The following TUSC3 variants were observed in gnomAD, a reference collection of about 807,000 sequenced individuals.
The protein encoded by TUSC3 is dolichyl-diphosphooligosaccharide--protein glycosyltransferase subunit TUSC3.
Under a neutral mutation model 44.8 loss-of-function variants are expected in TUSC3, and 45 were observed. The observed-to-expected ratio is 1.00, with a 90% CI of 0.79 to 1.29. The LOEUF (loss-of-function observed/expected upper bound fraction) is 1.29. TUSC3 is among the 50% of genes most tolerant of loss of function. TUSC3 has a pLI of 0.00. For missense variants in TUSC3, 519 were observed against 437.9 expected, an observed-to-expected ratio of 1.19 and a Z score of -1.65; for synonymous variants, 212 against 152.9, an observed-to-expected ratio of 1.39 and a Z score of -2.85.
At chr8:15,470,036 G>A (rs1008820696) in intron 1 of TUSC3, among the ~76,000 whole-genome samples, 10 of 151,958 alleles carry the variant, frequency 6.6e-5, no homozygotes, top group Non-Finnish European at 1.0e-4. Flanking sequence ...AAGGAAGATC[G>A]CTTGAGCCCA....
intron 6 of TUSC3, among the ~76,000 whole-genome samples, chr8:15,711,158 T>C (rs1318860538): frequency 6.6e-6 from 1 of 151,616 alleles, no homozygotes; most frequent in South Asian, 2.1e-4. Flanking sequence ...ACTACCAGCA[T>C]TTTCCTTGGC....
At chr8:15,808,054 A>G in the TUSC3 span, among the ~76,000 whole-genome samples, 1 of 152,224 alleles carries the variant, frequency 6.6e-6, no homozygotes, top group African/African-American at 2.4e-5. Flanking sequence ...TTATGCTAGT[A>G]TAATTTTAAA....
chr8:15,509,511 G>A (rs1410575636), intron 2 of TUSC3, among the ~76,000 whole-genome samples: 1 of 152,094 alleles, frequency 6.6e-6, no homozygotes, highest in Admixed American at 6.6e-5. Context: ...GGGAGGCTGA[G>A]GCAGGAGAGT....
intron 1 of TUSC3, among the ~76,000 whole-genome samples, chr8:15,480,998 A>G (rs1032043411): frequency 2.0e-5 from 3 of 152,158 alleles, no homozygotes; most frequent in Non-Finnish European, 2.9e-5. Context: ...CTGTAATTCC[A>G]GCACTTTGGG....
chr8:15,666,298 G>A (rs2129181249), intron 5 of TUSC3, among the ~76,000 whole-genome samples: 1 of 151,536 alleles, frequency 6.6e-6, no homozygotes, highest in Admixed American at 6.6e-5. Flanking sequence ...GAAAGATAAA[G>A]CATCATTAAA....
chr8:15,822,808 T>G, the TUSC3 span, among the ~76,000 whole-genome samples: 3 of 152,124 alleles, frequency 2.0e-5, no homozygotes. Context: ...AAATAAGAAC[T>G]GAGAACTGAA....
chr8:15,779,232 G>T, the TUSC3 span, among the ~76,000 whole-genome samples: 3 of 151,810 alleles, frequency 2.0e-5, no homozygotes, highest in East Asian at 5.8e-4. Flanking sequence ...GGGAAACCAG[G>T]ACCTTGGATA....
Position 15,765,480 on chromosome 8 carries a change from A to G in TUSC3, c.*1324A>G, listed in dbSNP as rs1812302646. The G allele has an allele frequency of 6.6e-6, 1 of 152,016 alleles. No individual in the cohort carries two copies. The highest frequency in any genetic ancestry group is 6.6e-5 in the Admixed American group (1 of 15,218). The allele number at this position is 152,016 out of a possible 1,614,324, so 9.4% of individuals were successfully genotyped here. A position where few individuals can be genotyped will look rare whatever the true frequency, so the allele number is the denominator to read the frequency against. On this transcript the variant is annotated 3_prime_UTR_variant, in exon 11 of 11. Coordinates refer to ENST00000503731, the MANE Select transcript of TUSC3 (RefSeq NM_006765.4). Reference sequence around the variant, plus strand: ...TCAAACAAGAAACGGGTGTACAACCATTGAGTTTACTTACTTAAATCTGTG... The same window carrying G: ...TCAAACAAGAAACGGGTGTACAACCGTTGAGTTTACTTACTTAAATCTGTG...
chr8:15,591,486 G>C (rs1216363316), intron 1 of TUSC3, among the ~76,000 whole-genome samples: 1 of 152,186 alleles, frequency 6.6e-6, no homozygotes, highest in Non-Finnish European at 1.5e-5. Context: ...GAAATATTAT[G>C]AGCAAGATGT....
chr8:15,639,387 G>T (rs532823005), intron 2 of TUSC3, among the ~76,000 whole-genome samples: 1 of 152,298 alleles, frequency 6.6e-6, no homozygotes, highest in Admixed American at 6.5e-5. Context: ...AAATGAATGA[G>T]AATTTTTTCA....
intron 6 of TUSC3, among the ~76,000 whole-genome samples, chr8:15,707,002 A>T (rs560777092): frequency 6.6e-6 from 1 of 152,106 alleles, no homozygotes; most frequent in Non-Finnish European, 1.5e-5. Context: ...ATTTGTTGCT[A>T]TAAAAGTATA....
the TUSC3 span, among the ~76,000 whole-genome samples, chr8:15,793,827 A>G: frequency 6.6e-6 from 1 of 152,228 alleles, no homozygotes; most frequent in African/African-American, 2.4e-5. Flanking sequence ...GCATGCAAGC[A>G]TAACTAGTCT....
the TUSC3 span, among the ~76,000 whole-genome samples, chr8:15,832,292 C>G: frequency 1.3e-5 from 2 of 152,158 alleles, no homozygotes; most frequent in African/African-American, 4.8e-5. Flanking sequence ...GAAGGAAACA[C>G]TGAATATGGA....
intron 1 of TUSC3, among the ~76,000 whole-genome samples, chr8:15,448,217 C>T (rs953367226): frequency 6.6e-6 from 1 of 151,074 alleles, no homozygotes; most frequent in Non-Finnish European, 1.5e-5. Context: ...CTCCTGGGTT[C>T]AAGCAATTCT....
the TUSC3 span, among the ~76,000 whole-genome samples, chr8:15,775,850 C>G: frequency 6.7e-6 from 1 of 149,662 alleles, no homozygotes; most frequent in Non-Finnish European, 1.5e-5. Flanking sequence ...ATTCTTTTTC[C>G]TGTTGTGCCT....
the TUSC3 span, among the ~76,000 whole-genome samples, chr8:15,845,374 C>T: frequency 6.6e-6 from 1 of 152,088 alleles, no homozygotes; most frequent in African/African-American, 2.4e-5. Flanking sequence ...TCAGAAAATC[C>T]TGAACTCCCT....
At chr8:15,834,546 A>T in the TUSC3 span, among the ~76,000 whole-genome samples, 1 of 152,122 alleles carries the variant, frequency 6.6e-6, no homozygotes, top group East Asian at 1.9e-4. Flanking sequence ...TTCCTTTTTA[A>T]CAAGTTTTCA....
chr8:15,606,769 G>A (rs191656065), intron 1 of TUSC3, among the ~76,000 whole-genome samples: 19 of 151,920 alleles, frequency 1.3e-4, no homozygotes, highest in Non-Finnish European at 2.6e-4. Flanking sequence ...TCCTAGAAAT[G>A]GCATTGATGA....
chr8:15,792,601 TTTTTC>T, the TUSC3 span, among the ~76,000 whole-genome samples: 1 of 152,062 alleles, frequency 6.6e-6, no homozygotes, highest in African/African-American at 2.4e-5. Flanking sequence ...ACTATTTCTT[TTTTTC>T]TTTTCGTTTT....
Sources: gnomAD v4.1 joint callset for allele counts (sites outside exome capture counted in the v4.1 genomes callset) on GRCh38, gnomAD v4.1.1 for gene constraint, MANE v1.5 for transcripts, NCBI Gene and HGNC (gene_info 2026-07-23, HGNC 2026-07-21) for gene names.